Variants in LUZP2 observed in about 807,000 individuals in gnomAD.
The protein encoded by LUZP2 is leucine zipper protein 2.
Under a neutral mutation model 51.6 loss-of-function variants are expected in LUZP2, and 52 were observed. That is an observed-to-expected ratio of 1.01 (90% CI 0.81 to 1.27). LUZP2 has a LOEUF of 1.27. Ranked by LOEUF, LUZP2 falls within the 50% of genes most tolerant of loss-of-function variation. The pLI, the probability that LUZP2 is intolerant of heterozygous loss-of-function variation, is 0.00. For missense variants in LUZP2, 436 were observed against 395.4 expected, an observed-to-expected ratio of 1.10 and a Z score of -0.87; for synonymous variants, 154 against 137.3, an observed-to-expected ratio of 1.12 and a Z score of -0.85.
intron 5 of LUZP2, among the ~76,000 whole-genome samples, chr11:24,812,451 C>T (rs1284793346): frequency 1.3e-5 from 2 of 152,140 alleles, no homozygotes; most frequent in South Asian, 2.1e-4. Context: ...ATATCAATAA[C>T]AATTTGCCAG....
chr11:24,853,976 G>A (rs1851472727), intron 5 of LUZP2, among the ~76,000 whole-genome samples: 1 of 152,162 alleles, frequency 6.6e-6, no homozygotes, highest in Non-Finnish European at 1.5e-5. Flanking sequence ...ATTGCCGCCT[G>A]TTCCTCCCTC....
intron 5 of LUZP2, among the ~76,000 whole-genome samples, chr11:24,773,913 C>A (rs1848827629): frequency 6.6e-6 from 1 of 152,148 alleles, no homozygotes; most frequent in East Asian, 1.9e-4. Flanking sequence ...GCCAATGTAG[C>A]CATTGTCCTT....
At chr11:25,044,108 A>ACTCTATATATCAGATATATAGACT (rs760362350) in intron 9 of LUZP2, among the ~76,000 whole-genome samples, 2 of 109,376 alleles carry the variant, frequency 1.8e-5, no homozygotes, top group East Asian at 3.0e-4. Flanking sequence ...ATATATATAG[A>ACTCTATATATCAGATATATAGACT]CTATATATAT....
In LUZP2 at chr11:24,846,036, T is replaced by G. The variant is rs144855515; in HGVS notation, c.397-59955T>G. 3.5e-3 allele frequency among the ~76,000 whole-genome samples: 533 copies of G among 152,084 alleles called. 2 individuals are homozygous for G. The highest frequency in any genetic ancestry group is 0.012 in the African/African-American group (502 of 41,520). ...TTTTTATGGTAAGTTATCAGATGCATCCATTCAACGCAGGCAAGGATCCCT... is the reference window on the plus strand; with the variant it reads ...TTTTTATGGTAAGTTATCAGATGCAGCCATTCAACGCAGGCAAGGATCCCT... On this transcript the variant is annotated intron_variant, in intron 5 of 11. Coordinates refer to ENST00000336930, the MANE Select transcript of LUZP2 (RefSeq NM_001009909.4).
rs1854100529 is a variant in LUZP2, at chr11:24,611,048, TA to T, written c.62+113744del. 6.9e-6 allele frequency among the ~76,000 whole-genome samples: 1 copy of T among 145,340 alleles called. No individual in the cohort carries two copies. Among genetic ancestry groups the T allele is most frequent in the Admixed American group, 7.1e-5 (1 of 14,076 alleles). ...TTGTTATAATGTACCTTACATGACATAGCTTTGTTTTTTTTTATTTTTATTT... is the reference window on the plus strand; with the variant it reads ...TTGTTATAATGTACCTTACATGACATGCTTTGTTTTTTTTTATTTTTATTT... On this transcript the variant is annotated intron_variant, in intron 1 of 11. Transcript: ENST00000336930. This position sits in a 1 kb window ranked among gnomAD's most constrained non-coding sequence, Gnocchi z 4.6.
rs67250902 is a variant in LUZP2, at chr11:24,633,939, CGTGT to C, written c.63-95207_63-95204del. 9.0e-3 allele frequency among the ~76,000 whole-genome samples: 1,332 copies of C among 148,506 alleles called. 20 individuals are homozygous for C. Among genetic ancestry groups the C allele is most frequent in the African/African-American group, 0.031 (1,250 of 40,706 alleles). On this transcript the variant is annotated intron_variant, in intron 1 of 11. Coordinates refer to ENST00000336930, the MANE Select transcript of LUZP2 (RefSeq NM_001009909.4). The stretch of plus-strand genomic sequence containing the variant: ...AAATGTATTTTTTTAGTCTAACACA[CGTGT>C]GTGTGTGTGTGTGTGTGTGTGTATA...
intron 1 of LUZP2, among the ~76,000 whole-genome samples, chr11:24,584,195 A>G (rs1852978198): frequency 1.3e-5 from 2 of 152,144 alleles, no homozygotes; most frequent in Non-Finnish European, 2.9e-5. Flanking sequence ...CTGGACTTGT[A>G]TGGACAGACC....
At chr11:24,558,425 T>C (rs1851936292) in intron 1 of LUZP2, among the ~76,000 whole-genome samples, 1 of 148,806 alleles carries the variant, frequency 6.7e-6, no homozygotes, top group African/African-American at 2.5e-5. Context: ...GTTCTGTCTC[T>C]CTGGAGAACT....
chr11:24,839,371 A>T (rs1850955889), intron 5 of LUZP2, among the ~76,000 whole-genome samples: 1 of 151,814 alleles, frequency 6.6e-6, no homozygotes, highest in African/African-American at 2.4e-5. Context: ...TCTATTTTTT[A>T]AATCATTTTT....
intron 1 of LUZP2, among the ~76,000 whole-genome samples, chr11:24,695,801 T>G (rs971373298): frequency 6.6e-6 from 1 of 151,882 alleles, no homozygotes; most frequent in Non-Finnish European, 1.5e-5. Flanking sequence ...ATAAGATGAG[T>G]GATTTTGACA....
intron 7 of LUZP2, among the ~76,000 whole-genome samples, chr11:24,958,249 G>A (rs1315746513): frequency 5.3e-5 from 8 of 152,096 alleles, no homozygotes; most frequent in Non-Finnish European, 1.2e-4. Context: ...ATGATTTATA[G>A]TCCTTTGGGT....
At chr11:24,601,877 CATGTATATATGTATATATGTATAT>C (rs1190079682) in intron 1 of LUZP2, among the ~76,000 whole-genome samples, 4 of 50,366 alleles carry the variant, frequency 7.9e-5, no homozygotes, top group African/African-American at 2.2e-4. Flanking sequence ...TATATGTATA[CATGTATATATGTATATATGTATAT>C]ATGTATATAT....
At chr11:24,999,339 A>G (rs1484120365) in intron 9 of LUZP2, among the ~76,000 whole-genome samples, 1 of 152,044 alleles carries the variant, frequency 6.6e-6, no homozygotes, top group Non-Finnish European at 1.5e-5. Context: ...GGGAAGAAGA[A>G]GAGGAAAAAG....
At chr11:24,699,499 T>C (rs964348226) in intron 1 of LUZP2, among the ~76,000 whole-genome samples, 3 of 151,998 alleles carry the variant, frequency 2.0e-5, no homozygotes, top group Non-Finnish European at 4.4e-5. Flanking sequence ...CAGATATGAG[T>C]ATCTTGTTTG....
chr11:24,901,464 T>G (rs1853280968), intron 5 of LUZP2, among the ~76,000 whole-genome samples: 1 of 151,676 alleles, frequency 6.6e-6, no homozygotes, highest in African/African-American at 2.4e-5. Context: ...ACTATAAAAC[T>G]TTAAGAAAAC....
chr11:24,995,234 A>G (rs1252779176), intron 9 of LUZP2, among the ~76,000 whole-genome samples: 2 of 152,018 alleles, frequency 1.3e-5, no homozygotes, highest in African/African-American at 4.8e-5. Context: ...CTCTACAGAA[A>G]ATACAGAAAT....
At chr11:24,878,242 A>C (rs982344110) in intron 5 of LUZP2, among the ~76,000 whole-genome samples, 4 of 151,876 alleles carry the variant, frequency 2.6e-5, no homozygotes, top group Non-Finnish European at 5.9e-5. Context: ...TGTTGATGAA[A>C]TCCCTCAGCT....
chr11:24,820,221 AG>A (rs1564937784), intron 5 of LUZP2, among the ~76,000 whole-genome samples: 1 of 152,148 alleles, frequency 6.6e-6, no homozygotes, highest in East Asian at 1.9e-4. Context: ...TTCGTCAGGG[AG>A]GTGGCACTGG....
intron 5 of LUZP2, among the ~76,000 whole-genome samples, chr11:24,822,913 A>C (rs978475588): frequency 6.6e-6 from 1 of 152,178 alleles, no homozygotes; most frequent in Non-Finnish European, 1.5e-5. Flanking sequence ...CATTTTTTCT[A>C]TAAGTGAAGA....
Sources: gnomAD v4.1 joint callset for allele counts (sites outside exome capture counted in the v4.1 genomes callset) on GRCh38, gnomAD v4.1.1 for gene constraint, Gnocchi (gnomAD v3.1) non-coding constraint, MANE v1.5 for transcripts, NCBI Gene and HGNC (gene_info 2026-07-23, HGNC 2026-07-21) for gene names.